ZNF282: variants seen among roughly 807,000 people sequenced by gnomAD.
ZNF282 encodes the protein zinc finger protein 282.
ZNF282 carries 30 observed loss-of-function variants against 61.9 expected under a neutral mutation model. The ratio of observed to expected loss-of-function variants is 0.48; its 90% CI spans 0.36 to 0.66. The LOEUF is 0.66. Among genes scored for constraint, ZNF282 ranks in the 30% least tolerant of loss-of-function variants. The pLI is 0.00. For missense variants in ZNF282, 788 were observed against 941.4 expected, an observed-to-expected ratio of 0.84 and a Z score of 2.13; for synonymous variants, 396 against 405.0, an observed-to-expected ratio of 0.98 and a Z score of 0.27.
intron 2 of ZNF282, among the ~76,000 whole-genome samples, chr7:149,204,990 T>C (rs1283194748): frequency 6.6e-6 from 1 of 152,078 alleles, no homozygotes; most frequent in East Asian, 1.9e-4. Context: ...TAGCCAGGCG[T>C]GGTGGCACAC....
chr7:149,206,394 C>A (rs529990936), intron 2 of ZNF282, among the ~76,000 whole-genome samples: 1 of 152,262 alleles, frequency 6.6e-6, no homozygotes, highest in Admixed American at 6.5e-5. Context: ...CCCTGAATAC[C>A]AAAAGAAGCA....
chr7:149,197,408 T>A lies in ZNF282; in HGVS notation c.166-925T>A, dbSNP rs563085835. ...ATGGGGGGAAGCTGCTTTTCTGCCC[T>A]AGCTTGGGCTCTCCGGTCTTTTCCT... On this transcript the variant is annotated intron_variant, in intron 1 of 7. Coordinates refer to ENST00000610704, the MANE Select transcript of ZNF282 (RefSeq NM_003575.4). 9.2e-5 allele frequency among the ~76,000 whole-genome samples: 14 copies of A among 152,366 alleles called. No individual in the cohort carries two copies. In the East Asian group the frequency reaches 2.1e-3, roughly 23 times the overall value.
chr7:149,219,865 C>G (rs1367334186), intron 7 of ZNF282, among the ~76,000 whole-genome samples: 1 of 151,726 alleles, frequency 6.6e-6, no homozygotes, highest in Non-Finnish European at 1.5e-5. Flanking sequence ...AAAAGTTTTT[C>G]AGTGGAATGG....
At chr7:149,206,988 T>C (rs1271244859) in intron 3 of ZNF282, among the ~76,000 whole-genome samples, 166 bp downstream of exon 3, 5 of 152,132 alleles carry the variant, frequency 3.3e-5, no homozygotes, top group African/African-American at 7.2e-5. Context: ...CAGTTTACAA[T>C]AGGATAAAAA....
In ZNF282 at chr7:149,198,623, C is replaced by G. The variant is rs765066956; in HGVS notation, c.456C>G (p.Ala152=). ...GGAACCACATGGAGAGCAAGTGGGCCGTGCTGGGGACCCTGCTGCAGGAGT... is the reference window on the plus strand; with the variant it reads ...GGAACCACATGGAGAGCAAGTGGGCGGTGCTGGGGACCCTGCTGCAGGAGT... The part of the protein sequence containing the change: ...EFGNHMESKW[A]VLGTLLQEYG... The change falls in exon 2 of 8, where the codon GCC becomes GCG. Residue 152 remains alanine, a synonymous_variant. Coordinates refer to ENST00000610704, the MANE Select transcript of ZNF282 (RefSeq NM_003575.4). This position sits in a 1 kb window ranked among gnomAD's most constrained non-coding sequence, Gnocchi z 4.3. 3.1e-6 allele frequency: 5 copies of G among 1,613,996 alleles called. No individual in the cohort carries two copies. The highest frequency in any genetic ancestry group is 1.3e-5 in the African/African-American group (1 of 74,910).
intron 2 of ZNF282, among the ~76,000 whole-genome samples, chr7:149,204,603 G>A (rs977393266): frequency 2.6e-5 from 4 of 152,054 alleles, no homozygotes; most frequent in Admixed American, 6.6e-5. Context: ...GCAAGGAGAG[G>A]GGCAAGAAAG....
intron 4 of ZNF282, 118 bp downstream of exon 4, chr7:149,207,588 G>A: frequency 6.9e-7 from 1 of 1,447,298 alleles, no homozygotes. Flanking sequence ...AGGGTCTTGG[G>A]TGGCTCCCAG....
intron 7 of ZNF282, among the ~76,000 whole-genome samples, chr7:149,220,929 T>TTGTTG (rs1563181080): frequency 4.1e-4 from 11 of 26,592 alleles, no homozygotes; most frequent in Admixed American, 1.3e-3. Flanking sequence ...TTTTTTTTTT[T>TTGTTG]TTTTTTTTGA....
chr7:149,216,254 G>A (rs1190528696), intron 7 of ZNF282, among the ~76,000 whole-genome samples: 1 of 152,086 alleles, frequency 6.6e-6, no homozygotes, highest in African/African-American at 2.4e-5. Flanking sequence ...ATGCACCACT[G>A]TGCCTCAGTA....
chr7:149,220,366 C>A (rs957008762), intron 7 of ZNF282, among the ~76,000 whole-genome samples: 19 of 151,554 alleles, frequency 1.3e-4, no homozygotes, highest in Admixed American at 1.2e-3. Context: ...GAGCTGAGAT[C>A]GCGCCACTGC....
At position 149,224,657 on chromosome 7, in the gene ZNF282, G is replaced by A. The variant is rs747843498; in HGVS notation, c.*10G>A. On this transcript the variant is annotated 3_prime_UTR_variant, in exon 8 of 8. Coordinates refer to ENST00000610704, the MANE Select transcript of ZNF282 (RefSeq NM_003575.4). ...TCCTGAGCGAGACTAGGGCTGGGCT[G>A]GGGGAGGGCAGGGCCGGACGGAGTG... is the stretch of plus-strand genomic sequence containing the variant. The A allele has an allele frequency of 1.3e-6, 2 of 1,500,018 alleles. No individual in the cohort carries two copies. Among genetic ancestry groups the A allele is most frequent in the South Asian group, 1.3e-5 (1 of 78,014 alleles). 92.9% of individuals were successfully genotyped at this position (1,500,018 alleles called of 1,614,324 possible).
Position 149,214,526 on chromosome 7 carries a change from A to C in ZNF282, c.1180+712A>C, listed in dbSNP as rs566130158. 9.2e-5 allele frequency among the ~76,000 whole-genome samples: 14 copies of C among 152,248 alleles called. No individual in the cohort carries two copies. In the East Asian group the frequency reaches 2.7e-3, roughly 29 times the overall value. ...GGCAGTTGACAGCAGCAGGTGGCTC[A>C]CATGCTGGAAGACACTAGCCAGGCT... On this transcript the variant is annotated intron_variant, in intron 7 of 7. Coordinates refer to ENST00000610704, the MANE Select transcript of ZNF282 (RefSeq NM_003575.4).
rs1306243827 is a variant in ZNF282, at chr7:149,224,057, G to A, written c.1426G>A (p.Gly476Arg). The change falls in exon 8 of 8, where the codon GGG becomes AGG. Residue 476 changes from glycine (G) to arginine (R), a missense_variant. This residue lies in a region of ZNF282 where 559 missense variants were observed against 642.0 expected (regional missense o/e 0.87). Coordinates refer to ENST00000610704, the MANE Select transcript of ZNF282 (RefSeq NM_003575.4). ...PGGDRSTGGG[G>R]GDGGGGGGGA... ...TGGGGACCGCAGCACCGGGGGCGGC[G>A]GGGGCGATGGGGGCGGTGGGGGCGG... 3.5e-6 allele frequency: 4 copies of A among 1,158,986 alleles called. No homozygotes were observed. The highest frequency in any genetic ancestry group is 4.2e-6 in the Non-Finnish European group (4 of 942,296). The allele number at this position is 1,158,986 out of a possible 1,614,324, so 71.8% of individuals were successfully genotyped here.
At chr7:149,206,925 T>C (rs187619510) in intron 3 of ZNF282, 103 bp downstream of exon 3, 1,346 of 1,468,120 alleles carry the variant, frequency 9.2e-4, no homozygotes, top group Non-Finnish European at 1.2e-3. Context: ...TTTCATATTT[T>C]TATGTAATGG....
At chr7:149,195,809 C>G in intron 1 of ZNF282, 55 bp downstream of exon 1, 1 of 1,371,008 alleles carries the variant, frequency 7.3e-7, no homozygotes, top group Non-Finnish European at 9.4e-7. Context: ...GGGGCGCGGG[C>G]TGGGCCGCGG....
chr7:149,195,950 G>T (rs1456800477), intron 1 of ZNF282, among the ~76,000 whole-genome samples, 196 bp downstream of exon 1: 1 of 149,504 alleles, frequency 6.7e-6, no homozygotes, highest in Non-Finnish European at 1.5e-5. Context: ...ACGCAGGCCC[G>T]GAAGGGCAGG....
At chr7:149,221,365 GA>G (rs1174378229) in intron 7 of ZNF282, among the ~76,000 whole-genome samples, 2 of 152,222 alleles carry the variant, frequency 1.3e-5, no homozygotes, top group Non-Finnish European at 2.9e-5. Flanking sequence ...CAGGAAGGCA[GA>G]AAAAGGTTGG....
At chr7:149,197,989 A>G (rs1034158066) in intron 1 of ZNF282, among the ~76,000 whole-genome samples, 1 of 152,230 alleles carries the variant, frequency 6.6e-6, no homozygotes, top group Non-Finnish European at 1.5e-5. Context: ...GGCAAATACA[A>G]AGTTCGTCAT....
At chr7:149,216,276 T>G (rs963937465) in intron 7 of ZNF282, among the ~76,000 whole-genome samples, 1 of 152,104 alleles carries the variant, frequency 6.6e-6, no homozygotes, top group Non-Finnish European at 1.5e-5. Context: ...TTTTTTAAAA[T>G]GTTTTGTAGA....
Sources: allele counts gnomAD v4.1 joint callset (sites outside exome capture counted in the v4.1 genomes callset), GRCh38; gene constraint gnomAD v4.1.1; regional missense constraint gnomAD v4.1.1; non-coding constraint Gnocchi (gnomAD v3.1); transcripts MANE v1.5; gene names NCBI Gene and HGNC (gene_info 2026-07-23, HGNC 2026-07-21).